Variants in GALNT17 observed in about 807,000 individuals in gnomAD.
GALNT17 encodes the protein UDP-GalNAc:polypeptide N-acetylgalactosaminyltransferase-like 3.
In GALNT17, 29 loss-of-function variants were observed where a neutral mutation model predicts 63.7. The observed-to-expected ratio is 0.46, with a 90% confidence interval of 0.34 to 0.62. GALNT17 has a LOEUF of 0.62. Among genes scored for constraint, GALNT17 ranks in the 20% least tolerant of loss-of-function variants. The pLI, the probability that GALNT17 is intolerant of heterozygous loss-of-function variation, is 0.01. For synonymous variants in GALNT17, 305 were observed against 318.3 expected (o/e 0.96, Z 0.45); for missense variants, 603 against 799.6 (o/e 0.75, Z 2.97).
intron 6 of GALNT17, among the ~76,000 whole-genome samples, chr7:71,590,558 C>T (rs1406383856): frequency 6.6e-6 from 1 of 152,194 alleles, no homozygotes; most frequent in Admixed American, 6.5e-5. Context: ...CTCTGGGTTT[C>T]TGGGGCAAGG....
At chr7:71,186,755 C>T (rs1422247661) in intron 1 of GALNT17, among the ~76,000 whole-genome samples, 1 of 152,138 alleles carries the variant, frequency 6.6e-6, no homozygotes, top group Non-Finnish European at 1.5e-5. Flanking sequence ...AAAACGAAAG[C>T]GAGACTTTGG....
rs1792998255 is a variant in GALNT17, at chr7:71,388,792, G to T, written c.589+391G>T. ...TCCGCTCACCTCAGCTTCCCAAAGT[G>T]CTGGGATTACAGGAGTGTGCCACCG... is the stretch of plus-strand genomic sequence containing the variant. On this transcript the variant is annotated intron_variant, in intron 3 of 10. Transcript: ENST00000333538. Among the ~76,000 whole-genome samples the T allele has an allele frequency of 2.6e-5, 4 of 152,124 alleles. 1 individual carries two copies. The South Asian group carries it at 8.3e-4, about 32-fold the overall frequency.
chr7:71,166,273 A>G (rs760573985), intron 1 of GALNT17, among the ~76,000 whole-genome samples: 1 of 152,230 alleles, frequency 6.6e-6, no homozygotes, highest in Non-Finnish European at 1.5e-5. Context: ...GAAAATGCCT[A>G]TCAGATTTGT....
At chr7:71,425,977 G>A (rs1053459850) in intron 5 of GALNT17, among the ~76,000 whole-genome samples, 12 of 152,102 alleles carry the variant, frequency 7.9e-5, no homozygotes, top group African/African-American at 2.9e-4. Context: ...CAGAGTAGGA[G>A]GAAGAAGAGA....
chr7:71,601,236 C>T lies in GALNT17; in HGVS notation c.1080+29834C>T, dbSNP rs540645502. 7.2e-4 allele frequency among the ~76,000 whole-genome samples: 109 copies of T among 152,078 alleles called. 1 individual carries two copies. Among genetic ancestry groups the T allele is most frequent in the African/African-American group, 2.2e-3 (90 of 41,472 alleles). On this transcript the variant is annotated intron_variant, in intron 6 of 10. Transcript: ENST00000333538. ...ATTTTGCAATTATAAATTGTGCTGC[C>T]GTAAACATGCATGTGCAGGTATCTT...
intron 2 of GALNT17, among the ~76,000 whole-genome samples, chr7:71,345,147 GTT>G (rs67919212): frequency 1.2e-4 from 17 of 139,436 alleles, no homozygotes; most frequent in African/African-American, 2.9e-4. Flanking sequence ...GTTGTTTTTT[GTT>G]TTTTTTTTTT....
chr7:71,315,315 G>C (rs1260060248), intron 1 of GALNT17, among the ~76,000 whole-genome samples: 1 of 152,218 alleles, frequency 6.6e-6, no homozygotes, highest in Non-Finnish European at 1.5e-5. Flanking sequence ...GGCTGTGATG[G>C]ATAAGGCTGC....
At chr7:71,245,848 G>GTT (rs542136452) in intron 1 of GALNT17, among the ~76,000 whole-genome samples, 36 of 122,882 alleles carry the variant, frequency 2.9e-4, no homozygotes, top group African/African-American at 3.8e-4. Flanking sequence ...AAGAGAGCAG[G>GTT]TTTTTTTTTT....
At chr7:71,487,637 G>A (rs1373134698) in intron 5 of GALNT17, among the ~76,000 whole-genome samples, 1 of 152,128 alleles carries the variant, frequency 6.6e-6, no homozygotes, top group African/African-American at 2.4e-5. Flanking sequence ...AATTAGCTGG[G>A]TGTGGTAGTG....
At chr7:71,692,534 G>A (rs1260650373) in intron 9 of GALNT17, among the ~76,000 whole-genome samples, 1 of 151,948 alleles carries the variant, frequency 6.6e-6, no homozygotes, top group Non-Finnish European at 1.5e-5. Context: ...CTTCACAGTA[G>A]CCTCATCCCT....
At chr7:71,257,930 T>C (rs1790316847) in intron 1 of GALNT17, among the ~76,000 whole-genome samples, 1 of 152,188 alleles carries the variant, frequency 6.6e-6, no homozygotes, top group African/African-American at 2.4e-5. Context: ...TGGAAGACCA[T>C]GTGACACCAT....
intron 5 of GALNT17, among the ~76,000 whole-genome samples, chr7:71,570,222 G>T (rs953836032): frequency 6.6e-6 from 1 of 152,032 alleles, no homozygotes; most frequent in Non-Finnish European, 1.5e-5. Flanking sequence ...CCTTTGTCCC[G>T]ACTTCATGGT....
intron 1 of GALNT17, among the ~76,000 whole-genome samples, chr7:71,321,899 C>T (rs1791615996): frequency 3.2e-5 from 3 of 94,984 alleles, no homozygotes; most frequent in Non-Finnish European, 6.4e-5. Flanking sequence ...TCCTTCCTTC[C>T]TTCCTTCCTT....
chr7:71,377,114 A>AATATATATATATATATATAT (rs1554362119), intron 2 of GALNT17, among the ~76,000 whole-genome samples: 6 of 57,456 alleles, frequency 1.0e-4, no homozygotes, highest in East Asian at 4.6e-4. Context: ...AAATAAAAAA[A>AATATATATATATATATATAT]ATATATATAT....
At chr7:71,200,592 C>G (rs900204872) in intron 1 of GALNT17, among the ~76,000 whole-genome samples, 1 of 152,146 alleles carries the variant, frequency 6.6e-6, no homozygotes, top group Non-Finnish European at 1.5e-5. Flanking sequence ...TTATTTTCAT[C>G]TCTCCTTATC....
intron 5 of GALNT17, among the ~76,000 whole-genome samples, chr7:71,532,109 GTTC>G (rs1427788953): frequency 6.6e-6 from 1 of 152,178 alleles, no homozygotes. Context: ...GGAGATTAGA[GTTC>G]TTGTCTTCCT....
intron 9 of GALNT17, among the ~76,000 whole-genome samples, chr7:71,696,315 G>T (rs1344682092): frequency 6.6e-6 from 1 of 151,840 alleles, no homozygotes; most frequent in Non-Finnish European, 1.5e-5. Context: ...GTTTCACTAT[G>T]TTACCCAGGC....
At chr7:71,598,931 A>G (rs1473410259) in intron 6 of GALNT17, among the ~76,000 whole-genome samples, 2 of 152,118 alleles carry the variant, frequency 1.3e-5, no homozygotes, top group African/African-American at 4.8e-5. Context: ...AGGGAATTGC[A>G]TGGAAGCATG....
chr7:71,249,766 A>G (rs1243596264), intron 1 of GALNT17, among the ~76,000 whole-genome samples: 1 of 152,234 alleles, frequency 6.6e-6, no homozygotes, highest in African/African-American at 2.4e-5. Context: ...TCCAAGTAGA[A>G]GAAATTCATA....
Sources: allele counts gnomAD v4.1 joint callset (sites outside exome capture counted in the v4.1 genomes callset), GRCh38; gene constraint gnomAD v4.1.1; transcripts MANE v1.5; gene names NCBI Gene and HGNC (gene_info 2026-07-23, HGNC 2026-07-21).